The following DOCK2 variants were observed in gnomAD, a reference collection of about 807,000 sequenced individuals.
DOCK2 encodes dedicator of cytokinesis 2.
In DOCK2, 87 loss-of-function variants were observed where a neutral mutation model predicts 248.9. That is an observed-to-expected ratio of 0.35 (90% CI 0.29 to 0.42). The LOEUF is 0.42. Among genes scored for constraint, DOCK2 ranks in the 10% least tolerant of loss-of-function variants. The probability of loss-of-function intolerance (pLI) is 1.00; values close to 1 mark genes in which losing one functional copy is unlikely to be tolerated. For missense variants in DOCK2, 1,747 were observed against 2,300.2 expected (o/e 0.76, Z 4.92); for synonymous variants, 805 against 821.6 (o/e 0.98, Z 0.35).
At chr5:169,758,773 C>T (rs1382755611) in intron 23 of DOCK2, among the ~76,000 whole-genome samples, 1 of 152,174 alleles carries the variant, frequency 6.6e-6, no homozygotes, top group Non-Finnish European at 1.5e-5. Flanking sequence ...GTTGTAAATT[C>T]TTAGAGAATA....
chr5:169,915,482 C>G (rs1774822900), intron 27 of DOCK2, among the ~76,000 whole-genome samples: 2 of 151,738 alleles, frequency 1.3e-5, no homozygotes, highest in African/African-American at 4.8e-5. Flanking sequence ...TATTGAATCT[C>G]AGATGTTTTA....
chr5:169,858,078 G>A (rs901922452), intron 27 of DOCK2, among the ~76,000 whole-genome samples: 2 of 152,168 alleles, frequency 1.3e-5, no homozygotes, highest in Admixed American at 6.5e-5. Context: ...GGATAAACTG[G>A]TGTATGCCCA....
At chr5:170,066,316 A>G (rs1418102888) in intron 44 of DOCK2, among the ~76,000 whole-genome samples, 2 of 152,358 alleles carry the variant, frequency 1.3e-5, no homozygotes, top group East Asian at 3.9e-4. Context: ...AGACAAGGTC[A>G]TTATATAGTG....
intron 22 of DOCK2, among the ~76,000 whole-genome samples, chr5:169,724,561 A>C (rs569622591): frequency 5.3e-5 from 8 of 151,494 alleles, no homozygotes; most frequent in African/African-American, 1.9e-4. Flanking sequence ...CCTGGTGTGC[A>C]CAGTTCCACT....
intron 2 of DOCK2, among the ~76,000 whole-genome samples, chr5:169,668,450 G>C (rs1228791676): frequency 6.6e-6 from 1 of 152,160 alleles, no homozygotes; most frequent in Non-Finnish European, 1.5e-5. Flanking sequence ...TTTTGGGCTT[G>C]GTTGTATGTC....
intron 27 of DOCK2, among the ~76,000 whole-genome samples, chr5:169,923,229 T>C (rs1349847991): frequency 1.3e-5 from 2 of 152,168 alleles, no homozygotes; most frequent in African/African-American, 4.8e-5. Context: ...TGATTCAGAT[T>C]GAGATGTTTT....
chr5:170,069,308 G>A, intron 46 of DOCK2, 88 bp downstream of exon 46: 1 of 1,402,660 alleles, frequency 7.1e-7, no homozygotes, highest in Admixed American at 1.9e-5. Context: ...CTCTAGCTGA[G>A]GCAGCCTGAA....
chr5:169,980,299 C>T (rs1777894347), intron 27 of DOCK2: 1 of 152,190 alleles, frequency 6.6e-6, no homozygotes, highest in Admixed American at 6.5e-5. Flanking sequence ...GAATTACCTG[C>T]AGAGGATGGT....
At chr5:170,039,182 A>AT (rs542488859) in intron 36 of DOCK2, among the ~76,000 whole-genome samples, 35 of 152,274 alleles carry the variant, frequency 2.3e-4, no homozygotes, top group African/African-American at 7.7e-4. Flanking sequence ...TAAAACACCC[A>AT]TTTTTTGAAT....
At chr5:170,077,649 G>A in intron 47 of DOCK2, 61 bp from the exon 48 acceptor site, 1 of 1,598,376 alleles carries the variant, frequency 6.3e-7, no homozygotes, top group Non-Finnish European at 8.5e-7. Context: ...GAAGGTGACA[G>A]GAAGGCTGGG....
At chr5:169,930,378 G>A (rs1041862059) in intron 27 of DOCK2, among the ~76,000 whole-genome samples, 1 of 152,178 alleles carries the variant, frequency 6.6e-6, no homozygotes, top group African/African-American at 2.4e-5. Flanking sequence ...ATGCACTCAC[G>A]ACTGGGGTTG....
Position 169,983,177 on chromosome 5 carries a change from A to G in DOCK2, c.2898+11A>G. 6.2e-7 allele frequency: 1 copy of G among 1,613,868 alleles called. No homozygotes were observed. Among genetic ancestry groups the G allele is most frequent in the Non-Finnish European group, 8.5e-7 (1 of 1,179,760 alleles). ...AGCTCTGAACTTGTGGTGAGTCTGC[A>G]GGATGCTGGGGGTGAGGAAGAACTC... On this transcript the variant is annotated intron_variant, in intron 28 of 51. Coordinates refer to ENST00000520908, the MANE Select transcript of DOCK2 (RefSeq NM_004946.3).
intron 1 of DOCK2, among the ~76,000 whole-genome samples, chr5:169,638,722 T>C (rs1047791819): frequency 4.6e-5 from 7 of 152,156 alleles, no homozygotes; most frequent in Non-Finnish European, 1.0e-4. Flanking sequence ...TATGAGACTG[T>C]AGTATTTCAT....
At chr5:169,670,701 T>G in intron 4 of DOCK2, 104 bp downstream of exon 4, 2 of 1,362,700 alleles carry the variant, frequency 1.5e-6, no homozygotes, top group Non-Finnish European at 2.0e-6. Flanking sequence ...GTTGCTCAGC[T>G]TATCTTCTTT....
intron 27 of DOCK2, among the ~76,000 whole-genome samples, chr5:169,852,787 T>C (rs1230659063): frequency 6.6e-6 from 1 of 152,204 alleles, no homozygotes; most frequent in Non-Finnish European, 1.5e-5. Context: ...CTTTCCTGCA[T>C]TTGTGAAGTA....
chr5:169,745,185 G>A (rs1217545546), intron 22 of DOCK2, among the ~76,000 whole-genome samples: 1 of 152,132 alleles, frequency 6.6e-6, no homozygotes, highest in Admixed American at 6.5e-5. Context: ...TGATCTCATG[G>A]GGAGGCTGAC....
At chr5:169,818,292 A>T (rs1329108843) in intron 26 of DOCK2, among the ~76,000 whole-genome samples, 1 of 152,192 alleles carries the variant, frequency 6.6e-6, no homozygotes, top group Non-Finnish European at 1.5e-5. Flanking sequence ...AACCCCTATG[A>T]GCACAAAGGC....
chr5:169,838,868 G>T (rs1486990793), intron 26 of DOCK2, among the ~76,000 whole-genome samples: 1 of 152,160 alleles, frequency 6.6e-6, no homozygotes, highest in Non-Finnish European at 1.5e-5. Context: ...ATTCATCTCC[G>T]GATGCCAAAA....
At chr5:169,991,101 G>T (rs1010188680) in intron 29 of DOCK2, among the ~76,000 whole-genome samples, 3 of 152,256 alleles carry the variant, frequency 2.0e-5, no homozygotes, top group African/African-American at 7.2e-5. Flanking sequence ...GCCCACGGCC[G>T]CAGCTCAGAA....
Sources: gnomAD v4.1 joint callset for allele counts (sites outside exome capture counted in the v4.1 genomes callset) on GRCh38, gnomAD v4.1.1 for gene constraint, MANE v1.5 for transcripts, NCBI Gene and HGNC (gene_info 2026-07-23, HGNC 2026-07-21) for gene names.